Variants in ARID4B observed in about 807,000 individuals in gnomAD.
ARID4B encodes AT-rich interaction domain 4B.
In ARID4B, 26 loss-of-function variants were observed where a neutral mutation model predicts 147.5. The ratio of observed to expected loss-of-function variants is 0.18; its 90% CI spans 0.13 to 0.24. The LOEUF (loss-of-function observed/expected upper bound fraction) is 0.24, where lower values mean the gene tolerates loss of function less well. Among genes scored for constraint, ARID4B ranks in the 10% least tolerant of loss-of-function variants. The probability of loss-of-function intolerance (pLI) is 1.00; values close to 1 mark genes in which losing one functional copy is unlikely to be tolerated. For missense variants in ARID4B, 1,179 were observed against 1,511.5 expected (o/e 0.78, Z 3.65); for synonymous variants, 512 against 507.9 (o/e 1.01, Z -0.11).
intron 2 of ARID4B, among the ~76,000 whole-genome samples, chr1:235,265,983 G>A (rs745514007): frequency 4.4e-4 from 67 of 152,204 alleles, no homozygotes; most frequent in African/African-American, 5.3e-4. Context: ...AATGGGTTAA[G>A]TCATAAAAAA....
intron 7 of ARID4B, among the ~76,000 whole-genome samples, chr1:235,243,785 T>C (rs190033485): frequency 4.6e-5 from 7 of 152,316 alleles, no homozygotes; most frequent in Admixed American, 1.3e-4. Context: ...GTTCTATTAG[T>C]ATCTGGAAGA....
chr1:235,289,949 G>C (rs1672223854), intron 2 of ARID4B, among the ~76,000 whole-genome samples: 1 of 151,720 alleles, frequency 6.6e-6, no homozygotes, highest in Non-Finnish European at 1.5e-5. Context: ...AGAACTGCTT[G>C]AACCTGGGAG....
At chr1:235,240,236 A>G in intron 8 of ARID4B, 77 bp downstream of exon 8, 1 of 1,321,966 alleles carries the variant, frequency 7.6e-7, no homozygotes, top group Non-Finnish European at 1.0e-6. Flanking sequence ...ACCTATGAAA[A>G]ACATTAGTAA....
chr1:235,283,757 G>A (rs1187315051), intron 2 of ARID4B, among the ~76,000 whole-genome samples: 4 of 151,960 alleles, frequency 2.6e-5, no homozygotes, highest in African/African-American at 7.3e-5. Context: ...AGACAGTCTC[G>A]CTCTCCAAGA....
rs146821370 is a variant in ARID4B at position 235,194,069 on chromosome 1, G to C, written c.2069C>G (p.Ser690Cys). ...TATGGACTTAATATGAGCAGTATCAGAGTTTTTGGCATCAGTGAGATCCAG... is the reference window on the plus strand; with the variant it reads ...TATGGACTTAATATGAGCAGTATCACAGTTTTTGGCATCAGTGAGATCCAG... ...SKLDLTDAKN[S>C]DTAHIKSIEI... The change falls in exon 19 of 24, where the codon TCT (serine) becomes TGT (cysteine). Residue 690 changes from serine to cysteine, a missense_variant. Physicochemically the swap from Ser to Cys is moderately radical, Grantham distance 112 (BLOSUM62 -1). Around this residue, in one of 10 missense-constraint regions of ARID4B, gnomAD observed 321 missense variants for 342.4 expected, o/e 0.94. Transcript: ENST00000264183. The C allele has an allele frequency of 6.2e-7, 1 of 1,612,954 alleles. No individual in the cohort carries two copies. Among genetic ancestry groups the C allele is most frequent in the Non-Finnish European group, 8.5e-7 (1 of 1,178,984 alleles).
intron 2 of ARID4B, among the ~76,000 whole-genome samples, chr1:235,302,935 C>CCTTTTTT (rs142487411): frequency 9.8e-4 from 147 of 149,952 alleles, no homozygotes; most frequent in African/African-American, 3.5e-3. Context: ...TTCTTTTTTT[C>CCTTTTTT]TTTTTTTTGA....
chr1:235,282,432 T>C (rs1321009901), intron 2 of ARID4B, among the ~76,000 whole-genome samples: 1 of 152,180 alleles, frequency 6.6e-6, no homozygotes, highest in Non-Finnish European at 1.5e-5. Flanking sequence ...TCAATGCAAA[T>C]TTAGTGAATG....
intron 16 of ARID4B, among the ~76,000 whole-genome samples, chr1:235,217,163 C>A (rs1331343842): frequency 1.3e-5 from 2 of 152,026 alleles, no homozygotes; most frequent in African/African-American, 4.8e-5. Context: ...TTTAATATCA[C>A]CCTCAGACAC....
At chr1:235,173,774 ATATATATATATATATATATAT>A (rs1663609299) in intron 22 of ARID4B, among the ~76,000 whole-genome samples, 6 of 21,032 alleles carry the variant, frequency 2.9e-4, no homozygotes, top group African/African-American at 7.1e-4. Context: ...AAAAAAAAAT[ATATATATATATATATATATAT>A]ATATATATAT....
At chr1:235,173,542 A>T (rs899906060) in intron 22 of ARID4B, among the ~76,000 whole-genome samples, 1 of 151,100 alleles carries the variant, frequency 6.6e-6, no homozygotes, top group Non-Finnish European at 1.5e-5. Flanking sequence ...AGCAATCTTC[A>T]ATCTCCTAAG....
intron 2 of ARID4B, among the ~76,000 whole-genome samples, chr1:235,306,981 G>A (rs1162706203): frequency 3.9e-5 from 6 of 152,142 alleles, no homozygotes; most frequent in Non-Finnish European, 7.3e-5. Flanking sequence ...GTTTACAATA[G>A]TTGTAAATTA....
intron 2 of ARID4B, among the ~76,000 whole-genome samples, chr1:235,313,537 A>G (rs572952656): frequency 1.3e-5 from 2 of 152,244 alleles, no homozygotes; most frequent in Middle Eastern, 6.8e-3. Context: ...CAGGTGGCTG[A>G]CTACACCACA....
chr1:235,225,206 A>G (rs1386348869), intron 11 of ARID4B, among the ~76,000 whole-genome samples: 1 of 152,226 alleles, frequency 6.6e-6, no homozygotes, highest in East Asian at 1.9e-4. Context: ...TCAAGGTACT[A>G]TAAAAGTATG....
At chr1:235,220,671 T>G (rs1023969229) in intron 14 of ARID4B, 126 bp from the exon 15 acceptor site, 2 of 790,600 alleles carry the variant, frequency 2.5e-6, no homozygotes, top group Non-Finnish European at 3.6e-6. Context: ...AACATTCTAA[T>G]TTATTCTAGT....
At chr1:235,183,177 A>G (rs1664435416) in intron 19 of ARID4B, among the ~76,000 whole-genome samples, 1 of 152,070 alleles carries the variant, frequency 6.6e-6, no homozygotes, top group Admixed American at 6.6e-5. Context: ...TGGAGTCAGG[A>G]TATAATCCCA....
At chr1:235,326,191 G>C (rs941043023) in intron 2 of ARID4B, among the ~76,000 whole-genome samples, 2 of 150,310 alleles carry the variant, frequency 1.3e-5, no homozygotes, top group East Asian at 1.9e-4. Flanking sequence ...ATTCTCTCAA[G>C]TAACAAAAAT....
intron 2 of ARID4B, among the ~76,000 whole-genome samples, chr1:235,304,412 A>G (rs1220886746): frequency 1.3e-5 from 2 of 152,212 alleles, no homozygotes; most frequent in African/African-American, 4.8e-5. Flanking sequence ...GAGCACATAC[A>G]AAACAATCTT....
chr1:235,242,073 C>A (rs1357480508), intron 7 of ARID4B, among the ~76,000 whole-genome samples: 2 of 151,786 alleles, frequency 1.3e-5, no homozygotes, highest in Non-Finnish European at 2.9e-5. Context: ...AATGGTGAAA[C>A]CTCGTCTCTA....
chr1:235,229,127 C>T, intron 11 of ARID4B, 104 bp downstream of exon 11: 2 of 1,294,408 alleles, frequency 1.5e-6, no homozygotes, highest in Non-Finnish European at 2.1e-6. Flanking sequence ...ATTTCTCATA[C>T]TAAAAATACT....
Sources: gnomAD v4.1 joint callset for allele counts (sites outside exome capture counted in the v4.1 genomes callset) on GRCh38, gnomAD v4.1.1 for gene constraint, gnomAD v4.1.1 regional missense constraint, MANE v1.5 for transcripts, NCBI Gene and HGNC (gene_info 2026-07-23, HGNC 2026-07-21) for gene names.